The following ASTN2 variants were observed in gnomAD, a reference collection of about 807,000 sequenced individuals.
ASTN2 encodes astrotactin-2.
ASTN2 carries 54 observed loss-of-function variants against 139.8 expected under a neutral mutation model. The ratio of observed to expected loss-of-function variants is 0.39; its 90% CI spans 0.31 to 0.48. The LOEUF (loss-of-function observed/expected upper bound fraction) is 0.48. ASTN2 is among the 20% of genes least tolerant of loss of function. ASTN2 has a pLI of 0.95. For synonymous variants in ASTN2, 756 were observed against 719.5 expected (o/e 1.05, Z -0.81); for missense variants, 1,565 against 1,725.1 (o/e 0.91, Z 1.64).
intron 10 of ASTN2, among the ~76,000 whole-genome samples, chr9:116,957,672 ATGTTTT>A (rs1319757866): frequency 2.0e-5 from 3 of 152,166 alleles, no homozygotes; most frequent in Non-Finnish European, 4.4e-5. Flanking sequence ...GATTCAGATT[ATGTTTT>A]TGTTTTTGTT....
At position 117,291,254 on chromosome 9, in the gene ASTN2, G is replaced by T. The variant is rs547762522; in HGVS notation, c.630+72C>A. 109 of 1,484,514 alleles carry T rather than the reference G, an allele frequency of 7.3e-5. 2 individuals are homozygous for T. In the South Asian group the frequency reaches 1.2e-3, roughly 16 times the overall value. 92.0% of individuals were successfully genotyped at this position (1,484,514 alleles called of 1,614,324 possible). On this transcript the variant is annotated intron_variant, in intron 2 of 22. Coordinates refer to ENST00000313400, the MANE Select transcript of ASTN2 (RefSeq NM_001365068.1). ...TCCTTCCATCTGTGGACAATCCCCCGCCCCCTCCATCTCTCCACCCATTCC... is the reference window on the plus strand; with the variant it reads ...TCCTTCCATCTGTGGACAATCCCCCTCCCCCTCCATCTCTCCACCCATTCC...
At position 116,423,397 on chromosome 9, in the gene ASTN2, A is replaced by G. The variant is rs954297771; in HGVS notation, c.*2454T>C. Among the ~76,000 whole-genome samples, 2 of 152,168 alleles carry G rather than the reference A, an allele frequency of 1.3e-5. No individual in the cohort carries two copies. The highest frequency in any genetic ancestry group is 4.8e-5 in the African/African-American group (2 of 41,448). Reference sequence around the variant, plus strand: ...TTAAGGGCAATAGCTGGTGAATAGCAGTGTTGTCAGATTCAAACTTAATCA... The same window carrying G: ...TTAAGGGCAATAGCTGGTGAATAGCGGTGTTGTCAGATTCAAACTTAATCA... On this transcript the variant is annotated 3_prime_UTR_variant, in exon 23 of 23. Transcript: ENST00000313400.
Position 116,562,679 on chromosome 9 carries a change from C to T in ASTN2, c.3355+55645G>A, listed in dbSNP as rs140103275. On this transcript the variant is annotated intron_variant, in intron 19 of 22. Coordinates refer to ENST00000313400, the MANE Select transcript of ASTN2 (RefSeq NM_001365068.1). ...CTGGGAGGCAGAGGTTGCAGTGAGC[C>T]GAGATCATGCCATTGCACTGCAGCC... Among the ~76,000 whole-genome samples, 77 of 146,938 alleles carry T rather than the reference C, an allele frequency of 5.2e-4. 1 individual carries two copies. Among genetic ancestry groups the T allele is most frequent in the African/African-American group, 1.9e-3 (74 of 39,182 alleles).
chr9:116,638,582 C>T (rs986519690), intron 17 of ASTN2, among the ~76,000 whole-genome samples: 1 of 150,522 alleles, frequency 6.6e-6, no homozygotes, highest in Non-Finnish European at 1.5e-5. Context: ...CCTAACTACA[C>T]AGTTACAAGA....
At chr9:117,076,196 G>A (rs1399784496) in intron 5 of ASTN2, among the ~76,000 whole-genome samples, 1 of 152,186 alleles carries the variant, frequency 6.6e-6, no homozygotes, top group African/African-American at 2.4e-5. Flanking sequence ...GCTGAGCTTC[G>A]TGGACACCTG....
At chr9:116,937,378 G>T (rs1588425693) in intron 10 of ASTN2, among the ~76,000 whole-genome samples, 1 of 152,126 alleles carries the variant, frequency 6.6e-6, no homozygotes, top group Non-Finnish European at 1.5e-5. Flanking sequence ...GTTAGATATT[G>T]CATCCTCTTG....
In ASTN2 at chr9:116,431,563, TGAAAGCAGGAA is replaced by T. The variant is rs559760508; in HGVS notation, c.3783-5486_3783-5476del. ...TGTTTCAAAAGCAAGCCTGCTGAGC[TGAAAGCAGGAA>T]TGGAGAGTGCCCATGGAAGAGAAGA... On this transcript the variant is annotated intron_variant, in intron 22 of 22. Coordinates refer to ENST00000313400, the MANE Select transcript of ASTN2 (RefSeq NM_001365068.1). Among the ~76,000 whole-genome samples the T allele has an allele frequency of 9.1e-3, 1,384 of 152,236 alleles. 23 individuals carry two copies. The highest frequency in any genetic ancestry group is 0.031 in the African/African-American group (1,302 of 41,534).
At chr9:116,787,047 A>G (rs937167754) in intron 13 of ASTN2, among the ~76,000 whole-genome samples, 11 of 152,228 alleles carry the variant, frequency 7.2e-5, no homozygotes, top group African/African-American at 2.7e-4. Context: ...CTCCCCAGCC[A>G]TGGGGAACTG....
At chr9:117,196,304 A>G (rs1831500062) in intron 3 of ASTN2, among the ~76,000 whole-genome samples, 1 of 152,176 alleles carries the variant, frequency 6.6e-6, no homozygotes, top group South Asian at 2.1e-4. Flanking sequence ...AGTGGTAGAA[A>G]TCAGCTGTTG....
chr9:117,032,657 C>T (rs1838281084), intron 6 of ASTN2, among the ~76,000 whole-genome samples: 1 of 152,132 alleles, frequency 6.6e-6, no homozygotes, highest in African/African-American at 2.4e-5. Context: ...TCTCTAACAG[C>T]ACAAAGTCAT....
chr9:116,658,675 C>T (rs1312839339), intron 16 of ASTN2, among the ~76,000 whole-genome samples: 1 of 149,508 alleles, frequency 6.7e-6, no homozygotes, highest in African/African-American at 2.5e-5. Context: ...CCAGAGACCG[C>T]AAAGCCAGGT....
intron 6 of ASTN2, among the ~76,000 whole-genome samples, chr9:117,033,874 C>T (rs1353481946): frequency 1.3e-5 from 2 of 152,090 alleles, no homozygotes; most frequent in Non-Finnish European, 2.9e-5. Flanking sequence ...GAAGGAAGAA[C>T]CCTGTGTAAA....
intron 19 of ASTN2, among the ~76,000 whole-genome samples, chr9:116,565,388 CA>C (rs1208048928): frequency 0.21 from 6,858 of 32,448 alleles, 965 homozygotes; most frequent in African/African-American, 0.26. Flanking sequence ...TCTCTCTCTC[CA>C]TATATATATA....
intron 13 of ASTN2, among the ~76,000 whole-genome samples, chr9:116,769,126 A>C (rs188306663): frequency 2.6e-5 from 4 of 152,340 alleles, no homozygotes; most frequent in Admixed American, 2.6e-4. Flanking sequence ...AGACAAAAAT[A>C]CTAAGCCTAA....
chr9:116,945,189 T>A (rs1835356573), intron 10 of ASTN2, among the ~76,000 whole-genome samples: 1 of 152,146 alleles, frequency 6.6e-6, no homozygotes, highest in East Asian at 1.9e-4. Context: ...AAGGTGAACT[T>A]TTCCAGAAGA....
intron 2 of ASTN2, among the ~76,000 whole-genome samples, chr9:117,235,550 A>T (rs1833021124): frequency 6.6e-6 from 1 of 152,224 alleles, no homozygotes; most frequent in Non-Finnish European, 1.5e-5. Flanking sequence ...AACTACAAGC[A>T]AACAATGTAA....
intron 11 of ASTN2, among the ~76,000 whole-genome samples, chr9:116,848,486 GC>G (rs1588350430): frequency 2.0e-5 from 3 of 152,242 alleles, no homozygotes. Flanking sequence ...CCAATATCAT[GC>G]CCACTTAACA....
intron 14 of ASTN2, 86 bp from the exon 15 acceptor site, chr9:116,729,182 G>A (rs917805101): frequency 3.8e-5 from 38 of 1,005,402 alleles, no homozygotes; most frequent in Non-Finnish European, 5.6e-5. Flanking sequence ...TTGGCTCTGG[G>A]AAACAGACAC....
intron 1 of ASTN2, among the ~76,000 whole-genome samples, chr9:117,309,070 T>G (rs1311235876): frequency 6.6e-6 from 1 of 152,218 alleles, no homozygotes; most frequent in African/African-American, 2.4e-5. Context: ...TTCAAGATGG[T>G]TATTATATCA....
Sources: allele counts gnomAD v4.1 joint callset (sites outside exome capture counted in the v4.1 genomes callset), GRCh38; gene constraint gnomAD v4.1.1; transcripts MANE v1.5; gene names NCBI Gene and HGNC (gene_info 2026-07-23, HGNC 2026-07-21).